ZFAND2A: variants seen among roughly 807,000 people sequenced by gnomAD.
ZFAND2A encodes AN1-type zinc finger protein 2A.
Under a neutral mutation model 11.6 loss-of-function variants are expected in ZFAND2A, and 20 were observed. That is an observed-to-expected ratio of 1.72 (90% confidence interval 1.21 to 2.50). ZFAND2A has a LOEUF of 2.50. ZFAND2A is among the 30% of genes most tolerant of loss of function. The probability of loss-of-function intolerance (pLI) is 0.00; values close to 1 mark genes in which losing one functional copy is unlikely to be tolerated. For missense variants in ZFAND2A, 234 were observed against 182.9 expected (o/e 1.28, Z -1.61); for synonymous variants, 93 against 60.6 (o/e 1.54, Z -2.48).
intron 2 of ZFAND2A, among the ~76,000 whole-genome samples, 162 bp downstream of exon 2, chr7:1,157,996 A>C (rs12056053): frequency 0.56 from 84,871 of 152,026 alleles, 24,090 homozygotes; most frequent in Non-Finnish European, 0.6. Flanking sequence ...TCCTGCACCC[A>C]GCCTCTGGTG....
downstream of ZFAND2A, chr7:1,152,059 G>C (rs116806855): frequency 1.2e-5 from 7 of 605,466 alleles, no homozygotes; most frequent in Admixed American, 3.7e-5. Flanking sequence ...TGCTGCTGCC[G>C]AAAGGTTGTG....
chr7:1,155,803 A>T, intron 3 of ZFAND2A: 1 of 444,730 alleles, frequency 2.2e-6, no homozygotes. Context: ...GTGAAGTTTC[A>T]ACGAATGGAC....
chr7:1,152,592 G>A (rs1203930798), downstream of ZFAND2A, among the ~76,000 whole-genome samples: 1 of 152,180 alleles, frequency 6.6e-6, no homozygotes, highest in Non-Finnish European at 1.5e-5. Flanking sequence ...GACCTTCTGT[G>A]GACACAGGGT....
downstream of ZFAND2A, among the ~76,000 whole-genome samples, chr7:1,148,921 G>T (rs907784647): frequency 1.2e-4 from 18 of 147,888 alleles, no homozygotes; most frequent in Non-Finnish European, 2.7e-4. Flanking sequence ...CAGCCTTGAC[G>T]TCTCCTGAGT....
chr7:1,154,825 G>A (rs902348707), intron 4 of ZFAND2A, among the ~76,000 whole-genome samples: 1 of 152,196 alleles, frequency 6.6e-6, no homozygotes, highest in Non-Finnish European at 1.5e-5. Context: ...CAGTTCACTA[G>A]AGAAGCTCCT....
chr7:1,149,753 G>A (rs938107013), downstream of ZFAND2A, among the ~76,000 whole-genome samples: 9 of 152,186 alleles, frequency 5.9e-5, no homozygotes, highest in African/African-American at 2.2e-4. Context: ...ACGGCGCTGC[G>A]TGTTTGTGCT....
rs558758262 is a variant in ZFAND2A at position 1,158,774 on chromosome 7, G to A, written c.-45-517C>T. ...TGGAGTTGATCAGGGAGAAGCGCAA[G>A]CTGTTAAGTCACTATGGAAAACAGG... On this transcript the variant is annotated intron_variant, in intron 1 of 4. Coordinates refer to ENST00000316495, the MANE Select transcript of ZFAND2A (RefSeq NM_182491.4). Among the ~76,000 whole-genome samples, 9 of 152,254 alleles carry A rather than the reference G, an allele frequency of 5.9e-5. No homozygotes were observed. The East Asian group carries it at 1.7e-3, about 29-fold the overall frequency.
intron 4 of ZFAND2A, among the ~76,000 whole-genome samples, chr7:1,155,207 A>AG: frequency 6.6e-6 from 1 of 152,232 alleles, no homozygotes; most frequent in Non-Finnish European, 1.5e-5. Flanking sequence ...CCATCTCAGG[A>AG]GGGAAACTAG....
intron 4 of ZFAND2A, 35 bp from the exon 5 acceptor site, chr7:1,153,259 T>G (rs1718379850): frequency 6.2e-7 from 1 of 1,601,226 alleles, no homozygotes; most frequent in Non-Finnish European, 8.5e-7. Context: ...AAGCAATTCT[T>G]TTTTTGGAGA....
At chr7:1,150,902 T>TC (rs1554344405), downstream of ZFAND2A, among the ~76,000 whole-genome samples, 168 of 142,140 alleles carry the variant, frequency 1.2e-3, 3 homozygotes, top group African/African-American at 3.9e-3. Context: ...TTTTTTTTTT[T>TC]TTTGAGATTC....
chr7:1,153,491 C>A (rs1424777932), intron 4 of ZFAND2A, among the ~76,000 whole-genome samples: 1 of 152,206 alleles, frequency 6.6e-6, no homozygotes, highest in Non-Finnish European at 1.5e-5. Flanking sequence ...ATCCTCCCGC[C>A]TTGGCCTCCC....
chr7:1,149,527 A>G (rs1367226072), downstream of ZFAND2A, among the ~76,000 whole-genome samples: 1 of 152,204 alleles, frequency 6.6e-6, no homozygotes, highest in African/African-American at 2.4e-5. Context: ...TAGGACAGAC[A>G]CCATGAAATA....
chr7:1,151,241 GAC>G (rs1793391808), downstream of ZFAND2A, among the ~76,000 whole-genome samples: 1 of 152,106 alleles, frequency 6.6e-6, no homozygotes, highest in Non-Finnish European at 1.5e-5. Flanking sequence ...GGTCCAGGAA[GAC>G]ACACCTTCTC....
chr7:1,154,734 G>A (rs142001861), intron 4 of ZFAND2A, among the ~76,000 whole-genome samples: 1 of 152,334 alleles, frequency 6.6e-6, no homozygotes, highest in East Asian at 1.9e-4. Flanking sequence ...TAACTGTAAA[G>A]TATTGAACAT....
At chr7:1,159,554 T>C (rs866176208) in intron 1 of ZFAND2A, among the ~76,000 whole-genome samples, 2 of 59,606 alleles carry the variant, frequency 3.4e-5, no homozygotes, top group African/African-American at 1.5e-4. Flanking sequence ...GCAGGCCCGG[T>C]CCCCAGCAGA....
intron 2 of ZFAND2A, among the ~76,000 whole-genome samples, 200 bp from the exon 3 acceptor site, chr7:1,157,950 C>T (rs985723412): frequency 3.0e-4 from 46 of 152,264 alleles, no homozygotes; most frequent in African/African-American, 1.0e-3. Context: ...TCCAGCAGCC[C>T]CCTGGATCCA....
At position 1,153,159 on chromosome 7, in the gene ZFAND2A, G is replaced by A. The variant is rs1206480540; in HGVS notation, c.348C>T (p.Ala116=). Residue 116 remains alanine (A), a synonymous_variant, in exon 5 of 5, where the codon GCC becomes GCT. Transcript: ENST00000316495. Reference sequence around the variant, plus strand: ...GGATACAGAAGTTGCCGTGACATTGGGCACATACCATCTGCAGCATCTCTT... The same window carrying A: ...GGATACAGAAGTTGCCGTGACATTGAGCACATACCATCTGCAGCATCTCTT... ...KKKEMLQMVC[A]QCHGNFCIQH... is the part of the protein sequence containing the mutation. The A allele has an allele frequency of 1.2e-6, 2 of 1,614,182 alleles. No homozygotes were observed. Among genetic ancestry groups the A allele is most frequent in the Non-Finnish European group, 1.7e-6 (2 of 1,180,030 alleles).
chr7:1,155,391 ACT>A (rs1793498117), intron 4 of ZFAND2A, 60 bp downstream of exon 4: 1 of 1,586,372 alleles, frequency 6.3e-7, no homozygotes, highest in Admixed American at 1.8e-5. Context: ...TAGCAAACTG[ACT>A]CTTCCCAAGG....
At chr7:1,155,304 G>T in intron 4 of ZFAND2A, 149 bp downstream of exon 4, 3 of 1,148,840 alleles carry the variant, frequency 2.6e-6, no homozygotes, top group African/African-American at 1.6e-5. Flanking sequence ...GCCCCTCGCA[G>T]TTTAGGACAG....
Sources: allele counts gnomAD v4.1 joint callset (sites outside exome capture counted in the v4.1 genomes callset), GRCh38; gene constraint gnomAD v4.1.1; transcripts MANE v1.5; gene names NCBI Gene and HGNC (gene_info 2026-07-23, HGNC 2026-07-21).